TMLHE: variants seen among roughly 807,000 people sequenced by gnomAD.
TMLHE encodes the protein trimethyllysine dioxygenase, mitochondrial.
A neutral mutation model predicts 25.7 loss-of-function variants in TMLHE; 18 were observed. That is an observed-to-expected ratio of 0.70 (90% CI 0.48 to 1.04). The LOEUF is 1.04. Ranked by LOEUF, TMLHE falls within the 50% of genes least tolerant of loss-of-function variation. The pLI is 0.00. For missense variants in TMLHE, 236 were observed against 259.0 expected, an observed-to-expected ratio of 0.91 and a Z score of 0.61; for synonymous variants, 105 against 97.0, an observed-to-expected ratio of 1.08 and a Z score of -0.49.
At chrX:155,609,295 C>T (rs941251949) in intron 1 of TMLHE, among the ~76,000 whole-genome samples, 7 of 111,465 alleles carry the variant, frequency 6.3e-5, no homozygotes, top group African/African-American at 2.3e-4. Flanking sequence ...GAACAGAAAA[C>T]CAAACACCAC....
intron 1 of TMLHE, among the ~76,000 whole-genome samples, chrX:155,586,188 T>G (rs1384375208): frequency 3.8e-5 from 4 of 105,581 alleles, no homozygotes; most frequent in African/African-American, 1.4e-4. Context: ...ATCATGCCAT[T>G]GCACTCCAGC....
At chrX:155,592,311 G>C (rs1557346062) in intron 1 of TMLHE, among the ~76,000 whole-genome samples, 1 of 111,858 alleles carries the variant, frequency 8.9e-6, no homozygotes, top group Admixed American at 9.5e-5. Flanking sequence ...TTATTAGCAA[G>C]ATGTCAAAAT....
Position 155,524,537 on chromosome X carries a change from G to T in TMLHE, c.277C>A (p.Arg93Ser). 1 of 1,209,783 alleles carries T rather than the reference G, an allele frequency of 8.3e-7. No individual in the cohort carries two copies. Among genetic ancestry groups the T allele is most frequent in the South Asian group, 1.8e-5 (1 of 56,396 alleles). Residue 93 changes from arginine (R) to serine (S), a missense_variant, in exon 3 of 8, where the codon CGC becomes AGC. Arg to Ser is a moderately radical substitution (Grantham distance 110). This residue lies in a region of TMLHE where 217 missense variants were observed against 214.6 expected (regional missense o/e 1.01). Coordinates refer to ENST00000334398, the MANE Select transcript of TMLHE (RefSeq NM_018196.4). ...ASCYNSKTHQ[R>S]SLDTASVDLC... ...TCCACACTGGCAGTATCCAGGCTGC[G>T]CTGGTGAGTCTTAGAGTTGTAGCAC...
chrX:155,595,161 G>A (rs782204642), intron 1 of TMLHE, among the ~76,000 whole-genome samples: 1 of 111,629 alleles, frequency 9.0e-6, no homozygotes, highest in African/African-American at 3.2e-5. Flanking sequence ...CAAGATAAAT[G>A]TAAACAAATA....
chrX:155,516,229 CAT>C (rs1199725433), intron 3 of TMLHE, among the ~76,000 whole-genome samples: 1 of 31,830 alleles, frequency 3.1e-5, no homozygotes, highest in African/African-American at 1.1e-4. Context: ...CATGTGATCT[CAT>C]TGTTCAATTC....
In TMLHE at chrX:155,549,264, G is replaced by C. The variant is rs1557339610; in HGVS notation, c.-1-3987C>G. ...CTGCATTGTGCTCACTAGTTAGGAG[G>C]AGTAAGCATGGACAACCTTGCCTTG... On this transcript the variant is annotated intron_variant, in intron 1 of 7. Transcript: ENST00000334398. Among the ~76,000 whole-genome samples the C allele has an allele frequency of 3.6e-5, 4 of 110,683 alleles. 1 individual carries two copies. The highest frequency in any genetic ancestry group is 7.5e-5 in the Non-Finnish European group (4 of 53,011).
At chrX:155,546,168 C>T (rs909837602) in intron 1 of TMLHE, among the ~76,000 whole-genome samples, 1 of 111,030 alleles carries the variant, frequency 9.0e-6, no homozygotes, top group Non-Finnish European at 1.9e-5. Context: ...GACTAAAATA[C>T]TTAGAATTAT....
chrX:155,505,161 A>G (rs1479224740), intron 6 of TMLHE, among the ~76,000 whole-genome samples: 2 of 111,769 alleles, frequency 1.8e-5, no homozygotes, highest in African/African-American at 3.3e-5. Flanking sequence ...ATGAATGAAT[A>G]GATGGGAAGA....
intron 1 of TMLHE, among the ~76,000 whole-genome samples, chrX:155,594,558 T>C: frequency 8.9e-6 from 1 of 112,019 alleles, no homozygotes; most frequent in East Asian, 2.8e-4. Flanking sequence ...CTTAATGGTA[T>C]AAGTAATACA....
chrX:155,524,381 A>G, intron 3 of TMLHE, 75 bp downstream of exon 3: 1 of 924,946 alleles, frequency 1.1e-6, no homozygotes, highest in Non-Finnish European at 1.4e-6. Context: ...TTTGAAAGGA[A>G]CAAACCATTT....
At chrX:155,554,665 C>T (rs781828019) in intron 1 of TMLHE, among the ~76,000 whole-genome samples, 44 of 109,244 alleles carry the variant, frequency 4.0e-4, no homozygotes, top group Non-Finnish European at 7.0e-4. Flanking sequence ...CGAACTGATG[C>T]TTGTGACAGG....
intron 2 of TMLHE, among the ~76,000 whole-genome samples, chrX:155,542,744 T>A (rs1195025568): frequency 2.3e-4 from 26 of 111,629 alleles, no homozygotes; most frequent in African/African-American, 8.5e-4. Context: ...ACTTTAAGGT[T>A]GTCATTCCAT....
intron 1 of TMLHE, among the ~76,000 whole-genome samples, chrX:155,547,828 C>G (rs1367211836): frequency 4.5e-5 from 5 of 111,117 alleles, no homozygotes; most frequent in Non-Finnish European, 7.5e-5. Flanking sequence ...CCACCCCATT[C>G]TTTCAAGGAA....
chrX:155,512,242 G>A (rs2124334395), intron 4 of TMLHE, among the ~76,000 whole-genome samples: 1 of 108,971 alleles, frequency 9.2e-6, no homozygotes, highest in South Asian at 3.9e-4. Context: ...ATGTATACAT[G>A]TGCCATGCTG....
chrX:155,604,550 C>T (rs1040703239), intron 1 of TMLHE, among the ~76,000 whole-genome samples: 1 of 111,798 alleles, frequency 8.9e-6, no homozygotes, highest in African/African-American at 3.3e-5. Context: ...GCCCCTGCTG[C>T]TCCCAAGCTG....
At chrX:155,530,735 AC>A (rs1326569514) in intron 2 of TMLHE, among the ~76,000 whole-genome samples, 1 of 112,411 alleles carries the variant, frequency 8.9e-6, no homozygotes, top group Admixed American at 9.4e-5. Flanking sequence ...AAACTACTGA[AC>A]CTTGGGTAAA....
At chrX:155,548,650 G>A (rs782152004) in intron 1 of TMLHE, among the ~76,000 whole-genome samples, 51 of 108,446 alleles carry the variant, frequency 4.7e-4, no homozygotes, top group South Asian at 2.1e-3. Flanking sequence ...CAGGAGAATC[G>A]CTTGAACCCA....
At chrX:155,516,010 C>CTTTTTTTTTTT (rs782343831) in intron 3 of TMLHE, among the ~76,000 whole-genome samples, 6 of 66,997 alleles carry the variant, frequency 9.0e-5, no homozygotes, top group Admixed American at 4.0e-4. Context: ...TTGTACTTTT[C>CTTTTTTTTTTT]TTCTTTTTTT....
intron 1 of TMLHE, among the ~76,000 whole-genome samples, chrX:155,587,829 T>C (rs1557345467): frequency 2.7e-5 from 3 of 111,619 alleles, no homozygotes; most frequent in East Asian, 2.8e-4. Flanking sequence ...AACTAAAAAA[T>C]ACTGACAAAA....
Sources: gnomAD v4.1 joint callset for allele counts (sites outside exome capture counted in the v4.1 genomes callset) on GRCh38, gnomAD v4.1.1 for gene constraint, gnomAD v4.1.1 regional missense constraint, MANE v1.5 for transcripts, NCBI Gene and HGNC (gene_info 2026-07-23, HGNC 2026-07-21) for gene names.